Variants in CACNA2D3 observed in about 807,000 individuals in gnomAD.
CACNA2D3 encodes the protein voltage-dependent calcium channel subunit alpha-2/delta-3.
In CACNA2D3, 60 loss-of-function variants were observed where a neutral mutation model predicts 160.6. The observed-to-expected ratio is 0.37, with a 90% CI of 0.30 to 0.46. The LOEUF is 0.46. Ranked by LOEUF, CACNA2D3 falls within the 20% of genes least tolerant of loss-of-function variation. CACNA2D3 has a pLI of 1.00. For synonymous variants in CACNA2D3, 558 were observed against 492.9 expected (o/e 1.13, Z -1.75); for missense variants, 1,205 against 1,365.0 (o/e 0.88, Z 1.85).
intron 3 of CACNA2D3, among the ~76,000 whole-genome samples, chr3:54,368,452 A>G (rs9835062): frequency 0.14 from 21,593 of 152,106 alleles, 1,624 homozygotes; most frequent in Middle Eastern, 0.19. Flanking sequence ...GGAGAGAAAG[A>G]AAGAGAAGGG....
At chr3:54,248,481 C>CAAAAA (rs577393882) in intron 2 of CACNA2D3, among the ~76,000 whole-genome samples, 1 of 44,412 alleles carries the variant, frequency 2.3e-5, no homozygotes, top group Non-Finnish European at 4.9e-5. Flanking sequence ...AACTCCATCT[C>CAAAAA]AAAAAAAAAA....
intron 4 of CACNA2D3, among the ~76,000 whole-genome samples, chr3:54,501,413 T>C (rs1480532978): frequency 6.6e-6 from 1 of 151,480 alleles, no homozygotes; most frequent in African/African-American, 2.4e-5. Flanking sequence ...ACTATTTTTT[T>C]TTTTTTTTGG....
rs772484674 is a variant in CACNA2D3 at position 54,924,720 on chromosome 3, G to T, written c.2449+24852G>T. The T allele has an allele frequency of 2.5e-6, 4 of 1,614,154 alleles. No homozygotes were observed. The South Asian group carries it at 4.4e-5, about 18-fold the overall frequency. On this transcript the variant is annotated intron_variant, in intron 27 of 37. Coordinates refer to ENST00000474759, the MANE Select transcript of CACNA2D3 (RefSeq NM_018398.3). ...AAGTAAAAGCCTCACACTGGGCATG[G>T]ATTCCAGGAGCGCTCGATCAAGCTG...
chr3:54,245,954 G>A (rs997615605), intron 2 of CACNA2D3, among the ~76,000 whole-genome samples: 1 of 152,240 alleles, frequency 6.6e-6, no homozygotes, highest in African/African-American at 2.4e-5. Context: ...GCCTCCCTAG[G>A]TGATGGGATT....
At chr3:55,028,228 T>C (rs1703607441) in intron 35 of CACNA2D3, among the ~76,000 whole-genome samples, 1 of 152,204 alleles carries the variant, frequency 6.6e-6, no homozygotes, top group African/African-American at 2.4e-5. Context: ...TTTGTATGTC[T>C]ATAGCATAGA....
intron 35 of CACNA2D3, among the ~76,000 whole-genome samples, chr3:55,039,508 T>A (rs1469275285): frequency 6.6e-6 from 1 of 152,056 alleles, no homozygotes; most frequent in African/African-American, 2.4e-5. Flanking sequence ...CAACAATTGT[T>A]AGTGTTTTGT....
intron 21 of CACNA2D3, among the ~76,000 whole-genome samples, chr3:54,883,844 C>T (rs537843347): frequency 6.8e-6 from 1 of 146,152 alleles, no homozygotes; most frequent in Admixed American, 6.9e-5. Flanking sequence ...CTTCAACCCT[C>T]CTTATCTCTT....
chr3:54,654,231 G>C (rs548831493), intron 11 of CACNA2D3, among the ~76,000 whole-genome samples: 51 of 152,172 alleles, frequency 3.4e-4, no homozygotes, highest in African/African-American at 9.9e-4. Flanking sequence ...ATTTTCTGCA[G>C]GCAGAACCCC....
chr3:54,656,677 A>G (rs1699879228), intron 11 of CACNA2D3, among the ~76,000 whole-genome samples: 1 of 152,198 alleles, frequency 6.6e-6, no homozygotes, highest in Admixed American at 6.5e-5. Context: ...CCACTCCCTG[A>G]CACCCTGCTA....
chr3:54,933,627 T>C (rs1309500853), intron 27 of CACNA2D3, among the ~76,000 whole-genome samples: 1 of 152,218 alleles, frequency 6.6e-6, no homozygotes, highest in Non-Finnish European at 1.5e-5. Context: ...TTTATTGCAT[T>C]ATCTCACTTT....
At chr3:54,883,745 C>T (rs1285337531) in intron 21 of CACNA2D3, among the ~76,000 whole-genome samples, 1 of 150,242 alleles carries the variant, frequency 6.7e-6, no homozygotes, top group South Asian at 2.1e-4. Flanking sequence ...TTCCTTTCCT[C>T]ATTCAGGTCA....
chr3:54,927,471 C>T (rs1701055462), intron 27 of CACNA2D3, among the ~76,000 whole-genome samples: 1 of 152,184 alleles, frequency 6.6e-6, no homozygotes, highest in African/African-American at 2.4e-5. Flanking sequence ...AGCTGTGGGG[C>T]TCAAGCATTA....
intron 3 of CACNA2D3, among the ~76,000 whole-genome samples, chr3:54,375,806 T>C (rs1157410489): frequency 1.3e-5 from 2 of 151,986 alleles, no homozygotes; most frequent in Non-Finnish European, 2.9e-5. Flanking sequence ...TGGACACTTG[T>C]TAGGATGCTG....
intron 27 of CACNA2D3, among the ~76,000 whole-genome samples, chr3:54,951,893 G>C (rs1038570778): frequency 3.9e-5 from 6 of 152,102 alleles, no homozygotes. Context: ...CCATTACCCA[G>C]GCTGGAGTGC....
chr3:54,860,453 G>A (rs114565831), intron 17 of CACNA2D3, among the ~76,000 whole-genome samples: 2,356 of 152,260 alleles, frequency 0.015, 25 homozygotes, highest in Non-Finnish European at 0.026. Context: ...TGACTCCCAG[G>A]ATTGCTGCAG....
At chr3:54,287,784 G>A (rs1249677298) in intron 2 of CACNA2D3, among the ~76,000 whole-genome samples, 26 of 148,752 alleles carry the variant, frequency 1.7e-4, no homozygotes, top group Non-Finnish European at 2.7e-4. Context: ...ACTAAAAACC[G>A]CTCAACTGCA....
In CACNA2D3 at chr3:54,459,389, CA is replaced by C. The variant is rs1700457551; in HGVS notation, c.382-44102del. On this transcript the variant is annotated intron_variant, in intron 4 of 37. Coordinates refer to ENST00000474759, the MANE Select transcript of CACNA2D3 (RefSeq NM_018398.3). ...TTGAACTAGTTTACAGTCCCACCAA[CA>C]GTGTAAAAGTGTTCCTATTTCTCCA... Among the ~76,000 whole-genome samples, 3 of 144,604 alleles carry C rather than the reference CA, an allele frequency of 2.1e-5. No individual in the cohort carries two copies. The Admixed American group carries it at 2.1e-4, about 10-fold the overall frequency. The allele number at this position is 144,604 out of a possible 152,430, so 94.9% of individuals were successfully genotyped here.
At chr3:54,588,375 A>G (rs1702800544) in intron 9 of CACNA2D3, among the ~76,000 whole-genome samples, 1 of 152,206 alleles carries the variant, frequency 6.6e-6, no homozygotes, top group Admixed American at 6.5e-5. Flanking sequence ...CTTAACAGGG[A>G]AAGTTTGAAA....
chr3:54,207,676 C>T (rs1054826371), intron 2 of CACNA2D3, among the ~76,000 whole-genome samples: 3 of 152,122 alleles, frequency 2.0e-5, no homozygotes, highest in Non-Finnish European at 4.4e-5. Context: ...GGACTGGGCT[C>T]TGTGCACATT....
Sources: gnomAD v4.1 joint callset for allele counts (sites outside exome capture counted in the v4.1 genomes callset) on GRCh38, gnomAD v4.1.1 for gene constraint, MANE v1.5 for transcripts, NCBI Gene and HGNC (gene_info 2026-07-23, HGNC 2026-07-21) for gene names.